The following DLGAP2 variants were observed in gnomAD, a reference collection of about 807,000 sequenced individuals.
DLGAP2 encodes DLG associated protein 2, also known as disks large-associated protein 2.
A neutral mutation model predicts 100.3 loss-of-function variants in DLGAP2; 26 were observed. The observed-to-expected ratio is 0.26, with a 90% CI of 0.19 to 0.36. The LOEUF (loss-of-function observed/expected upper bound fraction) is 0.36, where lower values mean the gene tolerates loss of function less well. Ranked by LOEUF, DLGAP2 falls within the 10% of genes least tolerant of loss-of-function variation. The pLI is 1.00. For missense variants in DLGAP2, 1,858 were observed against 1,453.2 expected (o/e 1.28, Z -4.53); for synonymous variants, 886 against 630.1 (o/e 1.41, Z -6.08).
chr8:1,458,938 G>A (rs1034377903), intron 3 of DLGAP2, among the ~76,000 whole-genome samples: 10 of 152,222 alleles, frequency 6.6e-5, no homozygotes, highest in African/African-American at 2.2e-4. Flanking sequence ...CAAGACCAGT[G>A]TGTGTCCCAG....
At chr8:1,079,296 C>G (rs1003953019) in intron 2 of DLGAP2, among the ~76,000 whole-genome samples, 1 of 152,080 alleles carries the variant, frequency 6.6e-6, no homozygotes, top group Non-Finnish European at 1.5e-5. Flanking sequence ...TGAATATCCA[C>G]CTTTTATAAG....
intron 3 of DLGAP2, chr8:1,301,324 C>T (rs1401530859): frequency 6.6e-6 from 1 of 152,312 alleles, no homozygotes; most frequent in Non-Finnish European, 1.5e-5. Flanking sequence ...AGGCCTCTGC[C>T]TGGGCATCAT....
chr8:1,195,656 A>T lies in DLGAP2; in HGVS notation c.74-63195A>T, dbSNP rs538821917. Among the ~76,000 whole-genome samples, 4 of 152,092 alleles carry T rather than the reference A, an allele frequency of 2.6e-5. No individual in the cohort carries two copies. In the South Asian group the frequency reaches 8.3e-4, roughly 32 times the overall value. On this transcript the variant is annotated intron_variant, in intron 2 of 14. Transcript: ENST00000637795. The stretch of plus-strand genomic sequence containing the variant: ...TTATTAAAAAATTATCTTCCAAAGG[A>T]TTCTCTTCTTTTTTGTTTATGGACG...
At chr8:944,312 T>C (rs1799263941) in intron 2 of DLGAP2, among the ~76,000 whole-genome samples, 1 of 150,240 alleles carries the variant, frequency 6.7e-6, no homozygotes, top group Non-Finnish European at 1.5e-5. Flanking sequence ...CCAGTGGATA[T>C]GGTAACCAGT....
At chr8:1,576,476 G>C (rs1584946647) in intron 6 of DLGAP2, among the ~76,000 whole-genome samples, 1 of 152,120 alleles carries the variant, frequency 6.6e-6, no homozygotes, top group Non-Finnish European at 1.5e-5. Context: ...AGTTTAATTA[G>C]ATCCCATTTG....
At position 1,160,187 on chromosome 8, in the gene DLGAP2, T is replaced by TA. The variant is rs573293863; in HGVS notation, c.74-98663dup. On this transcript the variant is annotated intron_variant, in intron 2 of 14. Coordinates refer to ENST00000637795, the MANE Select transcript of DLGAP2 (RefSeq NM_001346810.2). ...TAAAACTGAGGCTGCTACTTAGAAG[T>TA]AGTCAGTTCACCGTAGAAAACACCT... 1.9e-4 allele frequency among the ~76,000 whole-genome samples: 29 copies of TA among 152,270 alleles called. No homozygotes were observed. The East Asian group carries it at 5.6e-3, about 29-fold the overall frequency.
At chr8:1,662,568 A>G (rs1294687327) in intron 8 of DLGAP2, among the ~76,000 whole-genome samples, 1 of 152,264 alleles carries the variant, frequency 6.6e-6, no homozygotes, top group Admixed American at 6.5e-5. Context: ...CATTATAACC[A>G]ACAACTGGAG....
intron 2 of DLGAP2, chr8:1,032,528 A>T (rs947815031): frequency 3.3e-5 from 5 of 152,210 alleles, no homozygotes; most frequent in Admixed American, 3.3e-4. Flanking sequence ...AAGGGAGTCC[A>T]CCCACAGCTG....
At chr8:1,699,504 C>T (rs1422032067) in intron 14 of DLGAP2, among the ~76,000 whole-genome samples, 1 of 151,524 alleles carries the variant, frequency 6.6e-6, no homozygotes, top group Non-Finnish European at 1.5e-5. Flanking sequence ...GTCCCAGCTA[C>T]TCAGGAGGCT....
At chr8:1,635,457 T>G (rs1311054634) in intron 8 of DLGAP2, among the ~76,000 whole-genome samples, 1 of 152,238 alleles carries the variant, frequency 6.6e-6, no homozygotes, top group Non-Finnish European at 1.5e-5. Flanking sequence ...ATCCTAGCAC[T>G]ACGTTCAATA....
chr8:1,345,065 G>A (rs1041141988), intron 3 of DLGAP2, among the ~76,000 whole-genome samples: 2 of 152,180 alleles, frequency 1.3e-5, no homozygotes, highest in African/African-American at 4.8e-5. Context: ...TCAGTTATCT[G>A]GCCCTTTGCA....
chr8:1,248,279 G>C (rs1336807480), intron 2 of DLGAP2, among the ~76,000 whole-genome samples: 1 of 86,244 alleles, frequency 1.2e-5, no homozygotes, highest in African/African-American at 4.0e-5. Context: ...GTCGGTGGCC[G>C]GGAAGACCTT....
chr8:972,843 A>G (rs1270299177), intron 2 of DLGAP2, among the ~76,000 whole-genome samples: 1 of 152,184 alleles, frequency 6.6e-6, no homozygotes, highest in Non-Finnish European at 1.5e-5. Flanking sequence ...GCTGCCTTCA[A>G]GCATCTGTTT....
At chr8:1,127,094 C>T (rs775758720) in intron 2 of DLGAP2, among the ~76,000 whole-genome samples, 1 of 148,966 alleles carries the variant, frequency 6.7e-6, no homozygotes, top group African/African-American at 2.5e-5. Flanking sequence ...CCACCCTGTC[C>T]CAGCACAGCT....
chr8:1,245,351 C>G (rs563064772), intron 2 of DLGAP2, among the ~76,000 whole-genome samples: 20 of 152,248 alleles, frequency 1.3e-4, no homozygotes, highest in African/African-American at 4.3e-4. Flanking sequence ...GTCAAGTATC[C>G]GGAAACGGAG....
At chr8:1,638,422 G>A (rs919456959) in intron 8 of DLGAP2, among the ~76,000 whole-genome samples, 1 of 152,072 alleles carries the variant, frequency 6.6e-6, no homozygotes, top group East Asian at 1.9e-4. Context: ...TTTTCCCAGC[G>A]CCTTGGTCTG....
intron 3 of DLGAP2, among the ~76,000 whole-genome samples, chr8:1,354,601 A>G (rs1801807234): frequency 6.6e-6 from 1 of 151,624 alleles, no homozygotes; most frequent in Non-Finnish European, 1.5e-5. Flanking sequence ...GTGGAAAGTC[A>G]CGGATGATGC....
intron 3 of DLGAP2, among the ~76,000 whole-genome samples, chr8:1,347,154 G>GT (rs1801581432): frequency 6.6e-6 from 1 of 151,984 alleles, no homozygotes; most frequent in Admixed American, 6.5e-5. Context: ...CTGTGTGGAG[G>GT]TTGCGTTCCT....
chr8:1,485,903 C>T (rs994615780), intron 3 of DLGAP2, among the ~76,000 whole-genome samples: 23 of 152,074 alleles, frequency 1.5e-4, no homozygotes, highest in Non-Finnish European at 2.5e-4. Context: ...TGGCACCTGT[C>T]GTCCCAGCTA....
Sources: allele counts gnomAD v4.1 joint callset (sites outside exome capture counted in the v4.1 genomes callset), GRCh38; gene constraint gnomAD v4.1.1; transcripts MANE v1.5; gene names NCBI Gene and HGNC (gene_info 2026-07-23, HGNC 2026-07-21).